The following AGAP1 variants were observed in gnomAD, a reference collection of about 807,000 sequenced individuals.
The protein encoded by AGAP1 is ArfGAP with GTPase domain, ankyrin repeat and PH domain 1.
In AGAP1, 29 loss-of-function variants were observed where a neutral mutation model predicts 105.3. The ratio of observed to expected loss-of-function variants is 0.28; its 90% CI spans 0.21 to 0.38. The LOEUF is 0.38. AGAP1 is among the 10% of genes least tolerant of loss of function. The pLI is 1.00. For synonymous variants in AGAP1, 509 were observed against 485.9 expected, an observed-to-expected ratio of 1.05 and a Z score of -0.63; for missense variants, 998 against 1,165.1, an observed-to-expected ratio of 0.86 and a Z score of 2.09.
intron 9 of AGAP1, among the ~76,000 whole-genome samples, chr2:235,839,303 G>A (rs965538622): frequency 2.6e-5 from 4 of 152,356 alleles, no homozygotes; most frequent in Admixed American, 1.3e-4. Flanking sequence ...ATGCCCACGG[G>A]TGTGGGCGTG....
chr2:236,103,792 C>T (rs934654325), intron 16 of AGAP1, among the ~76,000 whole-genome samples: 1 of 152,084 alleles, frequency 6.6e-6, no homozygotes, highest in Non-Finnish European at 1.5e-5. Flanking sequence ...TGGTCTCGAA[C>T]TCCTGACCTC....
chr2:235,873,781 G>A (rs758262304), intron 9 of AGAP1, among the ~76,000 whole-genome samples: 5 of 152,228 alleles, frequency 3.3e-5, no homozygotes, highest in African/African-American at 4.8e-5. Flanking sequence ...AGACTGGAGT[G>A]CAGTGGCACA....
At chr2:235,498,319 C>A (rs1941410675) in intron 1 of AGAP1, among the ~76,000 whole-genome samples, 1 of 151,954 alleles carries the variant, frequency 6.6e-6, no homozygotes, top group Non-Finnish European at 1.5e-5. Flanking sequence ...CCTCCCTTCA[C>A]CCCCAAATCA....
intron 6 of AGAP1, among the ~76,000 whole-genome samples, chr2:235,768,714 AC>A (rs1242787911): frequency 6.6e-6 from 1 of 152,136 alleles, no homozygotes; most frequent in Non-Finnish European, 1.5e-5. Context: ...CACAGAACCT[AC>A]CTGCAGGTGG....
chr2:235,996,454 A>C (rs573515413), intron 13 of AGAP1, among the ~76,000 whole-genome samples: 1 of 152,242 alleles, frequency 6.6e-6, no homozygotes, highest in Non-Finnish European at 1.5e-5. Flanking sequence ...GCATTATTCT[A>C]TTACCACCTA....
intron 13 of AGAP1, among the ~76,000 whole-genome samples, chr2:236,007,334 A>G (rs2056355249): frequency 6.6e-6 from 1 of 152,176 alleles, no homozygotes; most frequent in South Asian, 2.1e-4. Flanking sequence ...TACATATAAG[A>G]GGAGCATGAT....
rs1191405451 is a variant in AGAP1 at position 235,983,520 on chromosome 2, T to G, written c.1645+14897T>G. ...TCATTGTCTTTTTCTCCCTTTCTTA[T>G]TCTCTTTTTTCTTTGAACTTTTTTT... is the stretch of plus-strand genomic sequence containing the variant. On this transcript the variant is annotated intron_variant, in intron 13 of 17. Transcript: ENST00000304032. This position sits in a 1 kb window ranked among gnomAD's most constrained non-coding sequence, Gnocchi z 4.5. 2.6e-5 allele frequency among the ~76,000 whole-genome samples: 4 copies of G among 152,258 alleles called. No homozygotes were observed. The highest frequency in any genetic ancestry group is 5.9e-5 in the Non-Finnish European group (4 of 68,046).
intron 11 of AGAP1, among the ~76,000 whole-genome samples, chr2:235,920,205 T>C (rs971672000): frequency 2.6e-5 from 4 of 152,202 alleles, no homozygotes. Flanking sequence ...AGCAACTTTG[T>C]CTTTAGAATA....
Position 236,053,180 on chromosome 2 carries a change from T to C in AGAP1, c.2114+3899T>C, listed in dbSNP as rs1312041387. Among the ~76,000 whole-genome samples, 1 of 152,212 alleles carries C rather than the reference T, an allele frequency of 6.6e-6. No individual in the cohort carries two copies. Among genetic ancestry groups the C allele is most frequent in the East Asian group, 1.9e-4 (1 of 5,192 alleles). On this transcript the variant is annotated intron_variant, in intron 16 of 17. Coordinates refer to ENST00000304032, the MANE Select transcript of AGAP1 (RefSeq NM_001037131.3). The surrounding 1 kb of genome is among the most constrained non-coding windows in gnomAD (Gnocchi z 4.6). ...CTGTAAGGAGAAGTTGCCAAGCTCC[T>C]TGGTGACCCTTTCAAAGGCAAGAGT...
chr2:235,981,795 C>T lies in AGAP1; in HGVS notation c.1645+13172C>T, dbSNP rs1425595280. Among the ~76,000 whole-genome samples the T allele has an allele frequency of 6.6e-6, 1 of 152,086 alleles. No individual in the cohort carries two copies. The highest frequency in any genetic ancestry group is 1.5e-5 in the Non-Finnish European group (1 of 68,016). The stretch of plus-strand genomic sequence containing the variant: ...TCAAGGCCATAGACGTAGAAAGCAG[C>T]GATAGGGCCACCGATCCAGGCGAGG... On this transcript the variant is annotated intron_variant, in intron 13 of 17. Coordinates refer to ENST00000304032, the MANE Select transcript of AGAP1 (RefSeq NM_001037131.3). This position sits in a 1 kb window ranked among gnomAD's most constrained non-coding sequence, Gnocchi z 5.5.
rs550910094 is a variant in AGAP1 at position 236,006,674 on chromosome 2, A to G, written c.1646-29887A>G. 4.6e-5 allele frequency among the ~76,000 whole-genome samples: 7 copies of G among 152,338 alleles called. No individual in the cohort carries two copies. The South Asian group carries it at 1.5e-3, about 32-fold the overall frequency. On this transcript the variant is annotated intron_variant, in intron 13 of 17. Coordinates refer to ENST00000304032, the MANE Select transcript of AGAP1 (RefSeq NM_001037131.3). ...AACATAATACTTTACATTAAAAAGT[A>G]GTATTTTTTATTGTAGAGTCTCCAA...
At chr2:235,943,020 A>G (rs953938521) in intron 12 of AGAP1, among the ~76,000 whole-genome samples, 1 of 152,232 alleles carries the variant, frequency 6.6e-6, no homozygotes, top group African/African-American at 2.4e-5. Flanking sequence ...TGTCAAATAT[A>G]TGTGCTGCTT....
chr2:235,808,696 C>T (rs936783532), intron 9 of AGAP1, among the ~76,000 whole-genome samples: 2 of 152,160 alleles, frequency 1.3e-5, no homozygotes, highest in Non-Finnish European at 1.5e-5. Context: ...AGGTCATCAC[C>T]AAGGCCCTCA....
rs370636945 is a variant in AGAP1, at chr2:235,535,887, C to T, written c.163+41038C>T. Reference sequence around the variant, plus strand: ...CGCGCAGGTAGCCTGGCCTTTGAAGCTCTCCAGGCTCTGGCCACAGTGGCT... The same window carrying T: ...CGCGCAGGTAGCCTGGCCTTTGAAGTTCTCCAGGCTCTGGCCACAGTGGCT... On this transcript the variant is annotated intron_variant, in intron 1 of 17. Transcript: ENST00000304032. This position sits in a 1 kb window ranked among gnomAD's most constrained non-coding sequence, Gnocchi z 5.1. Among the ~76,000 whole-genome samples the T allele has an allele frequency of 2.0e-5, 3 of 151,988 alleles. No homozygotes were observed. Among genetic ancestry groups the T allele is most frequent in the African/African-American group, 7.3e-5 (3 of 41,356 alleles).
intron 6 of AGAP1, among the ~76,000 whole-genome samples, chr2:235,786,652 A>G (rs555714070): frequency 9.2e-5 from 14 of 152,304 alleles, no homozygotes; most frequent in Admixed American, 1.3e-4. Flanking sequence ...AAACAGCTTC[A>G]GTTGTAATAA....
intron 9 of AGAP1, among the ~76,000 whole-genome samples, chr2:235,863,099 T>C (rs542022497): frequency 6.6e-6 from 1 of 152,354 alleles, no homozygotes; most frequent in South Asian, 2.1e-4. Flanking sequence ...CATTCAGTAA[T>C]TCATTCATCA....
At chr2:235,616,516 C>T (rs1322924457) in intron 1 of AGAP1, among the ~76,000 whole-genome samples, 1 of 152,152 alleles carries the variant, frequency 6.6e-6, no homozygotes, top group African/African-American at 2.4e-5. Flanking sequence ...AGAAATTTGT[C>T]AAACAGTAAT....
rs555744509 is a variant in AGAP1 at position 235,889,591 on chromosome 2, A to G, written c.1155+6142A>G. Among the ~76,000 whole-genome samples the G allele has an allele frequency of 1.4e-5, 2 of 146,310 alleles. No individual in the cohort carries two copies. The highest frequency in any genetic ancestry group is 5.1e-5 in the African/African-American group (2 of 39,418). ...CCTGAGCCCCAAGCTCAGTCCTTACATAGATTGTTTAGGAGACCAGTAATC... is the reference window on the plus strand; with the variant it reads ...CCTGAGCCCCAAGCTCAGTCCTTACGTAGATTGTTTAGGAGACCAGTAATC... On this transcript the variant is annotated intron_variant, in intron 10 of 17. Coordinates refer to ENST00000304032, the MANE Select transcript of AGAP1 (RefSeq NM_001037131.3). The surrounding 1 kb of genome is among the most constrained non-coding windows in gnomAD (Gnocchi z 4.6).
rs939750259 is a variant in AGAP1, at chr2:236,009,450, A to G, written c.1646-27111A>G. 6.6e-6 allele frequency among the ~76,000 whole-genome samples: 1 copy of G among 152,214 alleles called. No homozygotes were observed. The highest frequency in any genetic ancestry group is 2.4e-5 in the African/African-American group (1 of 41,454). ...GTCAGCCTGAAACACTCCAAGGAGC[A>G]GAGACGCTCCCCTCTGCAACAGTGA... On this transcript the variant is annotated intron_variant, in intron 13 of 17. Coordinates refer to ENST00000304032, the MANE Select transcript of AGAP1 (RefSeq NM_001037131.3). This position sits in a 1 kb window ranked among gnomAD's most constrained non-coding sequence, Gnocchi z 4.2.
Sources: gnomAD v4.1 joint callset for allele counts (sites outside exome capture counted in the v4.1 genomes callset) on GRCh38, gnomAD v4.1.1 for gene constraint, Gnocchi (gnomAD v3.1) non-coding constraint, MANE v1.5 for transcripts, NCBI Gene and HGNC (gene_info 2026-07-23, HGNC 2026-07-21) for gene names.